PPP2R3A: variants seen among roughly 807,000 people sequenced by gnomAD.
PPP2R3A encodes serine/threonine-protein phosphatase 2A regulatory subunit B'' subunit alpha.
A neutral mutation model predicts 106.9 loss-of-function variants in PPP2R3A; 80 were observed. The ratio of observed to expected loss-of-function variants is 0.75; its 90% CI spans 0.62 to 0.90. The LOEUF (loss-of-function observed/expected upper bound fraction) is 0.90. PPP2R3A is among the 40% of genes least tolerant of loss of function. PPP2R3A has a pLI of 0.00. For missense variants in PPP2R3A, 1,386 were observed against 1,350.4 expected, an observed-to-expected ratio of 1.03 and a Z score of -0.41; for synonymous variants, 483 against 468.3, an observed-to-expected ratio of 1.03 and a Z score of -0.41.
At chr3:136,132,725 G>T (rs1452044225) in intron 13 of PPP2R3A, among the ~76,000 whole-genome samples, 2 of 151,744 alleles carry the variant, frequency 1.3e-5, no homozygotes, top group Non-Finnish European at 2.9e-5. Flanking sequence ...CAAAATCCCG[G>T]CAGACTTTTG....
intron 4 of PPP2R3A, among the ~76,000 whole-genome samples, chr3:136,043,765 A>G (rs765614630): frequency 6.6e-6 from 1 of 152,162 alleles, no homozygotes; most frequent in African/African-American, 2.4e-5. Context: ...TTTTCATATC[A>G]ATGTATCATT....
At chr3:136,009,779 A>G (rs1378237679) in intron 2 of PPP2R3A, among the ~76,000 whole-genome samples, 2 of 152,134 alleles carry the variant, frequency 1.3e-5, no homozygotes, top group Non-Finnish European at 2.9e-5. Flanking sequence ...CGTCACTAAA[A>G]TCATTCCCTT....
chr3:136,147,459 TATAAG>T lies in PPP2R3A; in HGVS notation c.*2295_*2299del, dbSNP rs1939182373. Reference sequence around the variant, plus strand: ...CCCACATTATCACATTTTCAGGAATTATAAGAATGTGTTTTATTGTACTCCTTCCT... The same window carrying T: ...CCCACATTATCACATTTTCAGGAATTAATGTGTTTTATTGTACTCCTTCCT... On this transcript the variant is annotated 3_prime_UTR_variant, in exon 14 of 14. Coordinates refer to ENST00000264977, the MANE Select transcript of PPP2R3A (RefSeq NM_002718.5). 6.6e-6 allele frequency: 1 copy of T among 152,650 alleles called. No homozygotes were observed. Among genetic ancestry groups the T allele is most frequent in the South Asian group, 2.1e-4 (1 of 4,826 alleles). The allele number at this position is 152,650 out of a possible 1,614,324, so 9.5% of individuals were successfully genotyped here. A position where few individuals can be genotyped will look rare whatever the true frequency, so the allele number is the denominator to read the frequency against.
intron 13 of PPP2R3A, among the ~76,000 whole-genome samples, chr3:136,125,275 G>T (rs1033314186): frequency 6.6e-6 from 1 of 152,100 alleles, no homozygotes; most frequent in African/African-American, 2.4e-5. Context: ...AGCTGAGATC[G>T]TGCCATTGCA....
rs150563235 is a variant in PPP2R3A at position 136,061,379 on chromosome 3, A to C, written c.2470-9099A>C. ...ACAGTGGCTCACACCTGTAATCCCA[A>C]CACTTTGGGAAGCCAAGGCGGGCGG... is the stretch of plus-strand genomic sequence containing the variant. On this transcript the variant is annotated intron_variant, in intron 5 of 13. Coordinates refer to ENST00000264977, the MANE Select transcript of PPP2R3A (RefSeq NM_002718.5). Among the ~76,000 whole-genome samples the C allele has an allele frequency of 5.6e-3, 846 of 151,196 alleles. 13 individuals carry two copies. The highest frequency in any genetic ancestry group is 0.02 in the African/African-American group (805 of 41,184).
chr3:135,982,883 C>T (rs1032705069), intron 1 of PPP2R3A, among the ~76,000 whole-genome samples: 2 of 152,110 alleles, frequency 1.3e-5, no homozygotes, highest in Non-Finnish European at 2.9e-5. Flanking sequence ...GGCTTGTGTC[C>T]TATGGGTGAT....
At chr3:135,989,640 A>C (rs1288807868) in intron 1 of PPP2R3A, among the ~76,000 whole-genome samples, 1 of 152,124 alleles carries the variant, frequency 6.6e-6, no homozygotes, top group Non-Finnish European at 1.5e-5. Context: ...TAAAATAGTC[A>C]GAATGCTGCC....
At chr3:136,103,721 T>C (rs1006876069) in intron 12 of PPP2R3A, among the ~76,000 whole-genome samples, 1 of 152,210 alleles carries the variant, frequency 6.6e-6, no homozygotes, top group African/African-American at 2.4e-5. Flanking sequence ...TTAGAAACTA[T>C]ATTGGCCTTG....
intron 5 of PPP2R3A, among the ~76,000 whole-genome samples, chr3:136,058,181 G>T (rs184329494): frequency 6.6e-6 from 1 of 152,132 alleles, no homozygotes; most frequent in African/African-American, 2.4e-5. Context: ...GTTCTAGTCA[G>T]GGCAGTCAGG....
At chr3:135,992,272 A>G (rs1218728517) in intron 1 of PPP2R3A, among the ~76,000 whole-genome samples, 1 of 152,160 alleles carries the variant, frequency 6.6e-6, no homozygotes, top group African/African-American at 2.4e-5. Flanking sequence ...ATGACTCATT[A>G]CTTCTGAATC....
At chr3:136,063,322 G>A (rs1936145845) in intron 5 of PPP2R3A, among the ~76,000 whole-genome samples, 1 of 152,166 alleles carries the variant, frequency 6.6e-6, no homozygotes, top group African/African-American at 2.4e-5. Flanking sequence ...AAAAACCTTA[G>A]AAGAAAACCT....
At chr3:135,995,203 G>C (rs1185212484) in intron 1 of PPP2R3A, among the ~76,000 whole-genome samples, 4 of 152,136 alleles carry the variant, frequency 2.6e-5, no homozygotes, top group African/African-American at 9.7e-5. Context: ...CAGACCTGAG[G>C]TGCATAAATA....
chr3:136,109,851 T>C (rs986653264), intron 13 of PPP2R3A, among the ~76,000 whole-genome samples: 2 of 152,140 alleles, frequency 1.3e-5, no homozygotes, highest in African/African-American at 4.8e-5. Context: ...CTTAGATTCT[T>C]CATAGTAGAA....
At chr3:136,084,520 C>A (rs956660230) in intron 8 of PPP2R3A, among the ~76,000 whole-genome samples, 6 of 152,222 alleles carry the variant, frequency 3.9e-5, no homozygotes, top group Non-Finnish European at 8.8e-5. Flanking sequence ...GGTTGAAGCC[C>A]CCACAGAGTC....
At chr3:136,059,923 A>G (rs1936019269) in intron 5 of PPP2R3A, among the ~76,000 whole-genome samples, 1 of 152,198 alleles carries the variant, frequency 6.6e-6, no homozygotes, top group South Asian at 2.1e-4. Flanking sequence ...AGTGGGAGCT[A>G]AATGATGAGA....
intron 10 of PPP2R3A, among the ~76,000 whole-genome samples, chr3:136,101,662 G>C (rs745362628): frequency 1.1e-4 from 16 of 152,188 alleles, no homozygotes; most frequent in Non-Finnish European, 2.4e-4. Context: ...CTGACCTGAA[G>C]TGATCTGCCC....
intron 5 of PPP2R3A, among the ~76,000 whole-genome samples, chr3:136,053,503 T>C (rs762232772): frequency 5.3e-5 from 8 of 152,188 alleles, no homozygotes; most frequent in African/African-American, 7.2e-5. Context: ...CAGGACTGAC[T>C]GACCCAATGA....
chr3:136,114,556 A>G (rs1263433234), intron 13 of PPP2R3A, among the ~76,000 whole-genome samples: 1 of 152,182 alleles, frequency 6.6e-6, no homozygotes, highest in Non-Finnish European at 1.5e-5. Flanking sequence ...TGCTGCCAGC[A>G]CAACAGTCTG....
At chr3:136,104,336 C>T (rs536405930) in intron 12 of PPP2R3A, among the ~76,000 whole-genome samples, 6 of 150,608 alleles carry the variant, frequency 4.0e-5, no homozygotes, top group East Asian at 3.9e-4. Flanking sequence ...GACAGAGTTT[C>T]GCTCTTGTTG....
Sources: gnomAD v4.1 joint callset for allele counts (sites outside exome capture counted in the v4.1 genomes callset) on GRCh38, gnomAD v4.1.1 for gene constraint, MANE v1.5 for transcripts, NCBI Gene and HGNC (gene_info 2026-07-23, HGNC 2026-07-21) for gene names.